CLSTN2: variants seen among roughly 807,000 people sequenced by gnomAD.
The protein encoded by CLSTN2 is calsyntenin-2.
A neutral mutation model predicts 101.2 loss-of-function variants in CLSTN2; 48 were observed. The observed-to-expected ratio is 0.47, with a 90% CI of 0.38 to 0.60. The LOEUF is 0.60. Among genes scored for constraint, CLSTN2 ranks in the 20% least tolerant of loss-of-function variants. The pLI, the probability that CLSTN2 is intolerant of heterozygous loss-of-function variation, is 0.00. For missense variants in CLSTN2, 1,160 were observed against 1,238.2 expected (o/e 0.94, Z 0.95); for synonymous variants, 481 against 463.6 (o/e 1.04, Z -0.48).
chr3:140,001,442 A>G (rs1560066642), intron 1 of CLSTN2, among the ~76,000 whole-genome samples: 1 of 145,188 alleles, frequency 6.9e-6, no homozygotes, highest in East Asian at 2.0e-4. Flanking sequence ...CCAGTTCTCC[A>G]TTTTTTTTTT....
chr3:140,129,178 T>A (rs374449444), intron 1 of CLSTN2, among the ~76,000 whole-genome samples: 5 of 146,776 alleles, frequency 3.4e-5, no homozygotes, highest in African/African-American at 7.5e-5. Flanking sequence ...CTTTTTTTTT[T>A]AACTTTTATT....
chr3:140,195,124 C>G (rs1026835289), intron 2 of CLSTN2, among the ~76,000 whole-genome samples: 1 of 152,200 alleles, frequency 6.6e-6, no homozygotes, highest in African/African-American at 2.4e-5. Context: ...TCTACTTACT[C>G]TTTGCTGACC....
chr3:140,122,689 T>A (rs1204009126), intron 1 of CLSTN2, among the ~76,000 whole-genome samples: 1 of 152,118 alleles, frequency 6.6e-6, no homozygotes, highest in South Asian at 2.1e-4. Context: ...TGCTGCACCC[T>A]CTCCAGAGGC....
chr3:140,053,302 A>T (rs1195060266), intron 1 of CLSTN2, among the ~76,000 whole-genome samples: 3 of 152,208 alleles, frequency 2.0e-5, no homozygotes, highest in Non-Finnish European at 4.4e-5. Context: ...ACACAGGATG[A>T]TGTAATTGAA....
intron 4 of CLSTN2, among the ~76,000 whole-genome samples, chr3:140,417,987 C>G (rs147468549): frequency 2.4e-4 from 36 of 152,268 alleles, no homozygotes; most frequent in African/African-American, 8.7e-4. Context: ...ACAAATTGAG[C>G]CAAGGATTCA....
At chr3:140,310,447 A>ACCAC (rs2107916296) in intron 2 of CLSTN2, among the ~76,000 whole-genome samples, 1 of 152,058 alleles carries the variant, frequency 6.6e-6, no homozygotes, top group Admixed American at 6.5e-5. Flanking sequence ...CTGGAAAGGC[A>ACCAC]CCACCCGCTT....
intron 2 of CLSTN2, among the ~76,000 whole-genome samples, chr3:140,297,082 G>T (rs575872904): frequency 6.6e-6 from 1 of 152,344 alleles, no homozygotes; most frequent in Non-Finnish European, 1.5e-5. Flanking sequence ...ACTATGAGGA[G>T]CTCTTTGGAC....
rs140688813 is a variant in CLSTN2 at position 140,149,346 on chromosome 3, A to C, written c.110-26605A>C. On this transcript the variant is annotated intron_variant, in intron 1 of 16. Coordinates refer to ENST00000458420, the MANE Select transcript of CLSTN2 (RefSeq NM_022131.3). ...CAGGCTGGAACCGTTTGGTCCAAAGAAACTCTGTCACTGAAATCACCTTGT... is the reference window on the plus strand; with the variant it reads ...CAGGCTGGAACCGTTTGGTCCAAAGCAACTCTGTCACTGAAATCACCTTGT... Among the ~76,000 whole-genome samples the C allele has an allele frequency of 4.3e-4, 66 of 152,314 alleles. No individual in the cohort carries two copies. In the East Asian group the frequency reaches 0.012, roughly 28 times the overall value.
intron 2 of CLSTN2, among the ~76,000 whole-genome samples, chr3:140,196,496 A>AG (rs2010645038): frequency 6.6e-6 from 1 of 152,236 alleles, no homozygotes; most frequent in African/African-American, 2.4e-5. Context: ...TGCTGTTTCC[A>AG]GGGGAGAAAG....
intron 2 of CLSTN2, among the ~76,000 whole-genome samples, chr3:140,336,248 A>G (rs1391075140): frequency 6.6e-6 from 1 of 152,182 alleles, no homozygotes. Flanking sequence ...ATTTCATGTA[A>G]TCCTTATAGT....
rs780674717 is a variant in CLSTN2 at position 140,421,114 on chromosome 3, C to G, written c.638-11C>G. The G allele has an allele frequency of 3.1e-6, 5 of 1,612,746 alleles. No homozygotes were observed. Among genetic ancestry groups the G allele is most frequent in the African/African-American group, 1.3e-5 (1 of 74,912 alleles). On this transcript the variant is annotated splice_polypyrimidine_tract_variant and intron_variant, in intron 4 of 16. Coordinates refer to ENST00000458420, the MANE Select transcript of CLSTN2 (RefSeq NM_022131.3). ...TGACCTGAAATGCTTTTGAACATCT[C>G]TGTTCCTCAGGCAACATCAGGAACA...
rs182353094 is a variant in CLSTN2 at position 140,308,014 on chromosome 3, T to C, written c.233-95615T>C. 4.9e-3 allele frequency among the ~76,000 whole-genome samples: 745 copies of C among 152,294 alleles called. 4 individuals carry two copies. Among genetic ancestry groups the C allele is most frequent in the Non-Finnish European group, 6.6e-3 (450 of 68,028 alleles). On this transcript the variant is annotated intron_variant, in intron 2 of 16. Coordinates refer to ENST00000458420, the MANE Select transcript of CLSTN2 (RefSeq NM_022131.3). ...TCGGCCTCAATAATGTAAAGTTGGC[T>C]CATGAATGTGAAGGATGAACCACAG... is the stretch of plus-strand genomic sequence containing the variant.
chr3:140,307,517 A>T (rs913360474), intron 2 of CLSTN2, among the ~76,000 whole-genome samples: 9 of 152,346 alleles, frequency 5.9e-5, no homozygotes, highest in Middle Eastern at 3.4e-3. Flanking sequence ...TCCTCTCAGG[A>T]TTCAGCATAA....
At chr3:140,554,882 A>G (rs1359184363) in intron 10 of CLSTN2, among the ~76,000 whole-genome samples, 1 of 152,262 alleles carries the variant, frequency 6.6e-6, no homozygotes, top group Non-Finnish European at 1.5e-5. Flanking sequence ...AGTGTGATAC[A>G]TTATGTATGA....
intron 5 of CLSTN2, among the ~76,000 whole-genome samples, chr3:140,444,141 G>A (rs1008878096): frequency 3.3e-5 from 5 of 152,166 alleles, no homozygotes; most frequent in African/African-American, 1.2e-4. Flanking sequence ...TCAGAATAGT[G>A]GAGGAGTTTT....
At chr3:140,065,099 G>A (rs2008276463) in intron 1 of CLSTN2, among the ~76,000 whole-genome samples, 1 of 152,228 alleles carries the variant, frequency 6.6e-6, no homozygotes, top group Non-Finnish European at 1.5e-5. Flanking sequence ...TTATCCAAAA[G>A]AAGAGAAATG....
At chr3:140,175,839 G>A in intron 1 of CLSTN2, 112 bp from the exon 2 acceptor site, 4 of 1,023,006 alleles carry the variant, frequency 3.9e-6, no homozygotes, top group Non-Finnish European at 5.6e-6. Flanking sequence ...TCTCTCATGG[G>A]ATTGTTGGAT....
chr3:139,988,799 A>T (rs575312526), intron 1 of CLSTN2, among the ~76,000 whole-genome samples: 40 of 152,334 alleles, frequency 2.6e-4, no homozygotes, highest in Admixed American at 7.8e-4. Context: ...GTAAAAGTCC[A>T]CTGCTGGCTG....
intron 2 of CLSTN2, among the ~76,000 whole-genome samples, chr3:140,358,071 G>A (rs2087692380): frequency 6.6e-6 from 1 of 152,134 alleles, no homozygotes; most frequent in East Asian, 1.9e-4. Context: ...GCTGATGGCT[G>A]GTGAGTGCTT....
Sources: allele counts gnomAD v4.1 joint callset (sites outside exome capture counted in the v4.1 genomes callset), GRCh38; gene constraint gnomAD v4.1.1; transcripts MANE v1.5; gene names NCBI Gene and HGNC (gene_info 2026-07-23, HGNC 2026-07-21).